Variants in ADAMTSL1 observed in about 807,000 individuals in gnomAD.
The protein encoded by ADAMTSL1 is ADAMTS like 1, also known as ADAMTS-like protein 1.
Under a neutral mutation model 201.8 loss-of-function variants are expected in ADAMTSL1, and 126 were observed. The ratio of observed to expected loss-of-function variants is 0.62; its 90% CI spans 0.54 to 0.72. The LOEUF is 0.72. Among genes scored for constraint, ADAMTSL1 ranks in the 30% least tolerant of loss-of-function variants. ADAMTSL1 has a pLI of 0.00. For missense variants in ADAMTSL1, 2,679 were observed against 2,277.8 expected, an observed-to-expected ratio of 1.18 and a Z score of -3.59; for synonymous variants, 1,121 against 903.4, an observed-to-expected ratio of 1.24 and a Z score of -4.32.
intron 1 of ADAMTSL1, among the ~76,000 whole-genome samples, chr9:17,955,791 A>G: frequency 6.6e-6 from 1 of 152,162 alleles, no homozygotes. Flanking sequence ...ATTAAATTTT[A>G]TCATAGTATG....
intron 23 of ADAMTSL1, among the ~76,000 whole-genome samples, chr9:18,876,302 G>A (rs1016976059): frequency 1.1e-4 from 2 of 18,056 alleles, no homozygotes; most frequent in African/African-American, 5.9e-4. Context: ...GCCTGAATAC[G>A]TGTGTGTGTG....
chr9:18,045,889 A>G (rs941050667), intron 1 of ADAMTSL1, among the ~76,000 whole-genome samples: 39 of 152,174 alleles, frequency 2.6e-4, no homozygotes, highest in Admixed American at 5.9e-4. Flanking sequence ...TGGAGCAAAA[A>G]AAATTTCCCT....
intron 2 of ADAMTSL1, among the ~76,000 whole-genome samples, chr9:18,286,480 G>A (rs904187492): frequency 5.3e-5 from 8 of 152,144 alleles, no homozygotes; most frequent in African/African-American, 1.4e-4. Context: ...GACAGGGTCA[G>A]AGAGCAAGAA....
intron 1 of ADAMTSL1, among the ~76,000 whole-genome samples, chr9:18,159,633 T>A (rs1827302087): frequency 6.6e-6 from 1 of 152,014 alleles, no homozygotes; most frequent in African/African-American, 2.4e-5. Flanking sequence ...CAAATTTCAG[T>A]CACAGCTCAT....
intron 25 of ADAMTSL1, 78 bp downstream of exon 25, chr9:18,889,826 C>T (rs1232699639): frequency 7.3e-7 from 1 of 1,361,826 alleles, no homozygotes; most frequent in African/African-American, 1.5e-5. Flanking sequence ...GTGGCCAGCC[C>T]TTCAGTAGCA....
chr9:18,901,056 G>T (rs1418791022), intron 26 of ADAMTSL1, among the ~76,000 whole-genome samples: 1 of 151,862 alleles, frequency 6.6e-6, no homozygotes, highest in Non-Finnish European at 1.5e-5. Context: ...ATGATTGTAA[G>T]CTTCCTGAGG....
At chr9:18,775,387 G>A (rs533623873) in intron 17 of ADAMTSL1, among the ~76,000 whole-genome samples, 74 of 152,266 alleles carry the variant, frequency 4.9e-4, no homozygotes, top group African/African-American at 1.6e-3. Context: ...TAATTCCCAG[G>A]CTTGCAAACT....
At chr9:18,490,823 C>T (rs991471327) in intron 1 of ADAMTSL1, among the ~76,000 whole-genome samples, 3 of 152,120 alleles carry the variant, frequency 2.0e-5, no homozygotes, top group African/African-American at 7.2e-5. Flanking sequence ...AGAGGAGCCA[C>T]GTCAGCCAAG....
chr9:18,905,821 C>T lies in ADAMTSL1; in HGVS notation c.4891C>T (p.His1631Tyr). The T allele has an allele frequency of 6.2e-7, 1 of 1,613,736 alleles. No individual in the cohort carries two copies. The highest frequency in any genetic ancestry group is 1.7e-5 in the Admixed American group (1 of 60,008). The change falls in exon 27 of 29, where the codon CAC (histidine) becomes TAC (tyrosine). Residue 1631 changes from histidine to tyrosine, a missense_variant. Coordinates refer to ENST00000380548, the MANE Select transcript of ADAMTSL1 (RefSeq NM_001040272.6). ...PCIGPHLAVQHRQVFCQTRDG... is the reference protein window; with the variant it reads ...PCIGPHLAVQYRQVFCQTRDG... The stretch of plus-strand genomic sequence containing the variant: ...CATCGGGCCTCACCTAGCTGTGCAA[C>T]ACAGACAAGTCTTCTGCCAGACACG...
At chr9:18,830,634 C>T (rs561115078) in intron 23 of ADAMTSL1, among the ~76,000 whole-genome samples, 5 of 152,098 alleles carry the variant, frequency 3.3e-5, no homozygotes, top group South Asian at 4.2e-4. Context: ...GGCCCCCACA[C>T]GAGAATCATG....
At chr9:18,510,734 G>C (rs1178749801) in intron 2 of ADAMTSL1, among the ~76,000 whole-genome samples, 1 of 151,692 alleles carries the variant, frequency 6.6e-6, no homozygotes, top group African/African-American at 2.4e-5. Context: ...TCGCTAAGTA[G>C]AATATAATAC....
At chr9:18,866,818 T>C (rs1317206675) in intron 23 of ADAMTSL1, among the ~76,000 whole-genome samples, 3 of 152,224 alleles carry the variant, frequency 2.0e-5, no homozygotes, top group Non-Finnish European at 4.4e-5. Flanking sequence ...CCATGCCTGG[T>C]CTGACACCAT....
chr9:18,845,002 A>G (rs374297370), intron 23 of ADAMTSL1, among the ~76,000 whole-genome samples: 10 of 152,188 alleles, frequency 6.6e-5, no homozygotes, highest in Admixed American at 2.0e-4. Flanking sequence ...GAGTGAGGCA[A>G]TGCCTCGCCC....
intron 4 of ADAMTSL1, among the ~76,000 whole-genome samples, chr9:18,581,633 C>T (rs991465530): frequency 1.6e-4 from 25 of 152,150 alleles, no homozygotes; most frequent in Admixed American, 7.9e-4. Context: ...TCCATCTGTG[C>T]ACATTTGAAA....
chr9:18,146,197 C>T (rs899042937), intron 1 of ADAMTSL1, among the ~76,000 whole-genome samples: 1 of 152,048 alleles, frequency 6.6e-6, no homozygotes, highest in Non-Finnish European at 1.5e-5. Context: ...ATAGTCTTAC[C>T]ATATTTACAT....
chr9:18,875,344 G>C (rs1480868683), intron 23 of ADAMTSL1, among the ~76,000 whole-genome samples: 1 of 152,032 alleles, frequency 6.6e-6, no homozygotes, highest in African/African-American at 2.4e-5. Context: ...TGTAACCTTA[G>C]ATTGTCTATT....
rs917468761 is a variant in ADAMTSL1, at chr9:18,722,893, C to G, written c.2006+1228C>G. On this transcript the variant is annotated intron_variant, in intron 15 of 28. Transcript: ENST00000380548. ...ATGAAATCCTGAGTAACCTCGTTTT[C>G]TATCCCTGCCCCACCTGGTTCCACA... 36 of 697,512 alleles carry G rather than the reference C, an allele frequency of 5.2e-5. No individual in the cohort carries two copies. The African/African-American group carries it at 5.5e-4, about 11-fold the overall frequency. 43.2% of individuals were successfully genotyped at this position (697,512 alleles called of 1,614,324 possible). A position where few individuals can be genotyped will look rare whatever the true frequency, so the allele number is the denominator to read the frequency against.
intron 2 of ADAMTSL1, among the ~76,000 whole-genome samples, chr9:18,410,864 A>G (rs1818409590): frequency 6.9e-6 from 1 of 144,114 alleles, no homozygotes; most frequent in Non-Finnish European, 1.5e-5. Flanking sequence ...TTTTTTTTAG[A>G]CACAGTCTTG....
At chr9:18,291,421 C>T (rs1833256934) in intron 2 of ADAMTSL1, among the ~76,000 whole-genome samples, 1 of 152,164 alleles carries the variant, frequency 6.6e-6, no homozygotes, top group Admixed American at 6.5e-5. Context: ...CCTAGCACCT[C>T]TGGTATGCTA....
Sources: allele counts gnomAD v4.1 joint callset (sites outside exome capture counted in the v4.1 genomes callset), GRCh38; gene constraint gnomAD v4.1.1; transcripts MANE v1.5; gene names NCBI Gene and HGNC (gene_info 2026-07-23, HGNC 2026-07-21).